The following NRXN3 variants were observed in gnomAD, a reference collection of about 807,000 sequenced individuals.
NRXN3 encodes neurexin 3, also known as neurexin III.
Under a neutral mutation model 137.6 loss-of-function variants are expected in NRXN3, and 32 were observed. The observed-to-expected ratio is 0.23, with a 90% CI of 0.18 to 0.31. NRXN3 has a LOEUF of 0.31. Among genes scored for constraint, NRXN3 ranks in the 10% least tolerant of loss-of-function variants. The pLI is 1.00. For missense variants in NRXN3, 1,574 were observed against 2,062.5 expected (o/e 0.76, Z 4.59); for synonymous variants, 798 against 784.5 (o/e 1.02, Z -0.29).
At chr14:79,811,923 T>A (rs1337122744) in intron 20 of NRXN3, among the ~76,000 whole-genome samples, 1 of 152,104 alleles carries the variant, frequency 6.6e-6, no homozygotes, top group Non-Finnish European at 1.5e-5. Context: ...CCAACCCAAG[T>A]TATTTTTTAA....
At chr14:78,237,626 C>T (rs2066490474) in intron 1 of NRXN3, among the ~76,000 whole-genome samples, 1 of 152,300 alleles carries the variant, frequency 6.6e-6, no homozygotes, top group South Asian at 2.1e-4. Flanking sequence ...AACTTCAAGT[C>T]TGGGTGAGAG....
Position 79,450,911 on chromosome 14 carries a change from A to G in NRXN3, c.3263-16310A>G, listed in dbSNP as rs76328222. Among the ~76,000 whole-genome samples, 115 of 152,212 alleles carry G rather than the reference A, an allele frequency of 7.6e-4. 1 individual carries two copies. The East Asian group carries it at 0.019, about 25-fold the overall frequency. On this transcript the variant is annotated intron_variant, in intron 15 of 20. Coordinates refer to ENST00000335750, the MANE Select transcript of NRXN3 (RefSeq NM_001330195.2). ...TAAATTAAAAATATAAAGTTGGTCA[A>G]TAAACAAATTTTCATAAGCACTTAT...
intron 8 of NRXN3, among the ~76,000 whole-genome samples, chr14:78,739,140 G>A (rs1384573262): frequency 6.6e-6 from 1 of 152,128 alleles, no homozygotes; most frequent in Non-Finnish European, 1.5e-5. Context: ...CACAGTAGAT[G>A]CTGCTCTTTT....
chr14:78,859,802 A>G (rs2099067643), intron 10 of NRXN3, among the ~76,000 whole-genome samples: 1 of 152,090 alleles, frequency 6.6e-6, no homozygotes, highest in Non-Finnish European at 1.5e-5. Context: ...CATTTTCTTC[A>G]CACTTTGGTC....
chr14:78,883,121 G>C lies in NRXN3; in HGVS notation c.2275+72777G>C, dbSNP rs577826759. Among the ~76,000 whole-genome samples, 5 of 152,206 alleles carry C rather than the reference G, an allele frequency of 3.3e-5. No homozygotes were observed. The East Asian group carries it at 9.7e-4, about 29-fold the overall frequency. ...GTTTCCTGAGGCCTTTCCAGCCCTG[G>C]TGAACTGGAGTCCATGAAAGATCTT... On this transcript the variant is annotated intron_variant, in intron 10 of 20. Transcript: ENST00000335750.
chr14:79,014,102 T>A (rs918536744), intron 15 of NRXN3, among the ~76,000 whole-genome samples: 1 of 152,158 alleles, frequency 6.6e-6, no homozygotes, highest in Non-Finnish European at 1.5e-5. Context: ...CAGTGGGACC[T>A]CTCTTTTTTT....
At chr14:79,052,506 C>T (rs1470913125) in intron 15 of NRXN3, among the ~76,000 whole-genome samples, 1 of 152,206 alleles carries the variant, frequency 6.6e-6, no homozygotes, top group Non-Finnish European at 1.5e-5. Context: ...ACATCCTGCA[C>T]TAGCCCTTGT....
intron 16 of NRXN3, among the ~76,000 whole-genome samples, chr14:79,653,366 A>C (rs1315375823): frequency 6.6e-6 from 1 of 152,168 alleles, no homozygotes; most frequent in Non-Finnish European, 1.5e-5. Flanking sequence ...CTAACATCAG[A>C]GTGATGTGTG....
chr14:78,515,260 T>A (rs950819854), intron 4 of NRXN3, among the ~76,000 whole-genome samples: 5 of 152,178 alleles, frequency 3.3e-5, no homozygotes, highest in African/African-American at 1.2e-4. Flanking sequence ...ATCTTCGACC[T>A]GGTAATCAAT....
intron 15 of NRXN3, among the ~76,000 whole-genome samples, chr14:79,155,684 G>C (rs1226013896): frequency 6.6e-6 from 1 of 151,556 alleles, no homozygotes; most frequent in African/African-American, 2.4e-5. Flanking sequence ...CAAAAGACAA[G>C]AATTAGTCCT....
rs141146069 is a variant in NRXN3, at chr14:79,802,684, A to T, written c.4015-2428A>T. 9.3e-3 allele frequency among the ~76,000 whole-genome samples: 1,411 copies of T among 152,100 alleles called. 20 individuals carry two copies. Among genetic ancestry groups the T allele is most frequent in the African/African-American group, 0.032 (1,336 of 41,470 alleles). ...TATTTCAACAGTTAACTCTTTTCCCACTTACCAGCTCCTTTCCCTAAGTAA... is the reference window on the plus strand; with the variant it reads ...TATTTCAACAGTTAACTCTTTTCCCTCTTACCAGCTCCTTTCCCTAAGTAA... On this transcript the variant is annotated intron_variant, in intron 19 of 20. Coordinates refer to ENST00000335750, the MANE Select transcript of NRXN3 (RefSeq NM_001330195.2).
intron 15 of NRXN3, among the ~76,000 whole-genome samples, chr14:79,344,245 A>G (rs1402983818): frequency 1.3e-5 from 2 of 152,170 alleles, no homozygotes; most frequent in African/African-American, 4.8e-5. Context: ...TCCAGGGCTC[A>G]TCTGACCATG....
At chr14:78,316,364 G>T (rs2078710334) in intron 4 of NRXN3, among the ~76,000 whole-genome samples, 1 of 152,118 alleles carries the variant, frequency 6.6e-6, no homozygotes, top group Non-Finnish European at 1.5e-5. Flanking sequence ...AGTAAAGGAA[G>T]AAATTCCTAA....
chr14:79,073,702 G>C (rs1390621700), intron 15 of NRXN3, among the ~76,000 whole-genome samples: 1 of 152,074 alleles, frequency 6.6e-6, no homozygotes, highest in East Asian at 1.9e-4. Context: ...ATATTGAAGG[G>C]CTTTATTTCT....
At chr14:79,811,058 GA>G (rs545982079) in intron 20 of NRXN3, among the ~76,000 whole-genome samples, 57 of 152,176 alleles carry the variant, frequency 3.7e-4, no homozygotes, top group Non-Finnish European at 7.5e-4. Flanking sequence ...TTTTCTATAT[GA>G]AAACTCATTA....
intron 15 of NRXN3, among the ~76,000 whole-genome samples, chr14:79,436,738 G>A (rs145895832): frequency 2.6e-5 from 4 of 152,078 alleles, no homozygotes; most frequent in Admixed American, 1.3e-4. Flanking sequence ...ATCCTTTTTC[G>A]CAACAGTGAG....
intron 4 of NRXN3, among the ~76,000 whole-genome samples, chr14:78,504,742 G>A (rs1219945994): frequency 1.3e-5 from 2 of 152,174 alleles, no homozygotes; most frequent in South Asian, 2.1e-4. Flanking sequence ...TGATATTTGC[G>A]AAGTTCCCAC....
intron 10 of NRXN3, among the ~76,000 whole-genome samples, chr14:78,821,513 T>A (rs2098950679): frequency 6.6e-6 from 1 of 151,988 alleles, no homozygotes; most frequent in South Asian, 2.1e-4. Context: ...AACGGAATGC[T>A]TGAAAGGAGC....
intron 9 of NRXN3, among the ~76,000 whole-genome samples, chr14:78,808,763 C>T (rs993822854): frequency 6.6e-6 from 1 of 152,146 alleles, no homozygotes; most frequent in Non-Finnish European, 1.5e-5. Context: ...TAACTGGGTG[C>T]TATAAATCGC....
Sources: gnomAD v4.1 joint callset for allele counts (sites outside exome capture counted in the v4.1 genomes callset) on GRCh38, gnomAD v4.1.1 for gene constraint, MANE v1.5 for transcripts, NCBI Gene and HGNC (gene_info 2026-07-23, HGNC 2026-07-21) for gene names.